ROR2: variants seen among roughly 807,000 people sequenced by gnomAD.
ROR2 encodes the protein tyrosine-protein kinase transmembrane receptor ROR2.
Under a neutral mutation model 74.9 loss-of-function variants are expected in ROR2, and 33 were observed. That is an observed-to-expected ratio of 0.44 (90% confidence interval 0.33 to 0.59). ROR2 has a LOEUF of 0.59. Ranked by LOEUF, ROR2 falls within the 20% of genes least tolerant of loss-of-function variation. The pLI, the probability that ROR2 is intolerant of heterozygous loss-of-function variation, is 0.02. For synonymous variants in ROR2, 586 were observed against 558.7 expected (o/e 1.05, Z -0.69); for missense variants, 1,216 against 1,313.8 (o/e 0.93, Z 1.15).
intron 2 of ROR2, among the ~76,000 whole-genome samples, chr9:91,761,212 T>C (rs1825905187): frequency 6.6e-6 from 1 of 152,212 alleles, no homozygotes; most frequent in Admixed American, 6.5e-5. Flanking sequence ...AACAGTCCCA[T>C]AGACCAGTGG....
At chr9:91,811,501 G>A (rs1199437855) in intron 1 of ROR2, among the ~76,000 whole-genome samples, 2 of 152,220 alleles carry the variant, frequency 1.3e-5, no homozygotes, top group South Asian at 2.1e-4. Flanking sequence ...GCTGATCCTA[G>A]AGATATGGCC....
intron 1 of ROR2, among the ~76,000 whole-genome samples, chr9:91,801,979 C>A (rs1827396029): frequency 6.6e-6 from 1 of 151,532 alleles, no homozygotes; most frequent in African/African-American, 2.4e-5. Flanking sequence ...TGCAGGTTTG[C>A]GTGACTGGGC....
At chr9:91,844,702 T>C (rs113976506) in intron 1 of ROR2, among the ~76,000 whole-genome samples, 98 of 152,278 alleles carry the variant, frequency 6.4e-4, no homozygotes, top group African/African-American at 2.3e-3. Flanking sequence ...ATAGGTGTAA[T>C]AGGTTCGTGG....
chr9:91,909,856 T>TC (rs1192028359), intron 1 of ROR2, among the ~76,000 whole-genome samples: 1 of 125,432 alleles, frequency 8.0e-6, no homozygotes, highest in South Asian at 2.8e-4. Context: ...TGTTTTTTTT[T>TC]TTTTTTTTTT....
At position 91,927,240 on chromosome 9, in the gene ROR2, T is replaced by TC. The variant is rs1564044378; in HGVS notation, c.97+22626dup. ...ACTCTCCAGGTCAGAGACCCACAGC[T>TC]CCCCCAAAAACCAGGATCTTAAGGT... On this transcript the variant is annotated intron_variant, in intron 1 of 8. Coordinates refer to ENST00000375708, the MANE Select transcript of ROR2 (RefSeq NM_004560.4). Among the ~76,000 whole-genome samples, 3 of 152,038 alleles carry TC rather than the reference T, an allele frequency of 2.0e-5. No homozygotes were observed. The South Asian group carries it at 6.2e-4, about 32-fold the overall frequency.
rs532934283 is a variant in ROR2 at position 91,949,089 on chromosome 9, C to A, written c.97+778G>T. Among the ~76,000 whole-genome samples the A allele has an allele frequency of 2.6e-5, 4 of 151,902 alleles. No homozygotes were observed. In the South Asian group the frequency reaches 6.2e-4, roughly 24 times the overall value. On this transcript the variant is annotated intron_variant, in intron 1 of 8. Coordinates refer to ENST00000375708, the MANE Select transcript of ROR2 (RefSeq NM_004560.4). ...ACCTAGGAGCCGGGCCCCGCCCCTC[C>A]CGCCGCCAGCCTCCTACAGGTCCCG...
At chr9:91,949,383 A>G (rs1308062302) in intron 1 of ROR2, among the ~76,000 whole-genome samples, 1 of 151,564 alleles carries the variant, frequency 6.6e-6, no homozygotes, top group Middle Eastern at 3.2e-3. Context: ...CGTCCACCCC[A>G]GGATTCTGCC....
chr9:91,776,532 C>A (rs1321321010), intron 1 of ROR2, among the ~76,000 whole-genome samples: 3 of 152,208 alleles, frequency 2.0e-5, no homozygotes, highest in Non-Finnish European at 4.4e-5. Flanking sequence ...TTAACAGTTG[C>A]ATGCATTTTA....
chr9:91,807,042 G>C (rs535454653), intron 1 of ROR2, among the ~76,000 whole-genome samples: 20 of 152,288 alleles, frequency 1.3e-4, no homozygotes, highest in Middle Eastern at 3.4e-3. Context: ...ATCAGACTTA[G>C]GGTCATAAAA....
At chr9:91,918,691 C>T (rs1205049401) in intron 1 of ROR2, among the ~76,000 whole-genome samples, 4 of 152,114 alleles carry the variant, frequency 2.6e-5, no homozygotes, top group Non-Finnish European at 4.4e-5. Flanking sequence ...GTGAATTGTA[C>T]GCTCCGAAAA....
chr9:91,936,675 A>T (rs1831698772), intron 1 of ROR2, among the ~76,000 whole-genome samples: 1 of 152,138 alleles, frequency 6.6e-6, no homozygotes. Context: ...GGCCATAAAA[A>T]CTTGAAACTC....
intron 1 of ROR2, among the ~76,000 whole-genome samples, chr9:91,850,594 G>T (rs2119252879): frequency 6.6e-6 from 1 of 152,320 alleles, no homozygotes; most frequent in Middle Eastern, 3.4e-3. Context: ...ATGGGAAGAG[G>T]CTGTGGGGCT....
chr9:91,909,838 GTTTGTTTTGTTTTTTTTTTTTT>G (rs1830911980), intron 1 of ROR2, among the ~76,000 whole-genome samples: 1 of 63,198 alleles, frequency 1.6e-5, no homozygotes, highest in Admixed American at 2.2e-4. Flanking sequence ...TTTTTTTTAG[GTTTGTTTTGTTTTTTTTTTTTT>G]TTTTTTTTTT....
At position 91,733,908 on chromosome 9, in the gene ROR2, GTCAGC is replaced by G. The variant is rs771149646; in HGVS notation, c.623-477_623-473del. On this transcript the variant is annotated intron_variant, in intron 5 of 8. Transcript: ENST00000375708. The surrounding 1 kb of genome is among the most constrained non-coding windows in gnomAD (Gnocchi z 5.7). ...GGAGAAGGCTGTCCCGGAAGAGGGA[GTCAGC>G]TCAGCTCTGTGAACTGCAGCTGGAG... Among the ~76,000 whole-genome samples, 5 of 152,336 alleles carry G rather than the reference GTCAGC, an allele frequency of 3.3e-5. No individual in the cohort carries two copies. Among genetic ancestry groups the G allele is most frequent in the East Asian group, 3.9e-4 (2 of 5,174 alleles).
intron 1 of ROR2, among the ~76,000 whole-genome samples, chr9:91,799,202 C>T (rs1414659402): frequency 6.6e-6 from 1 of 152,134 alleles, no homozygotes; most frequent in African/African-American, 2.4e-5. Flanking sequence ...TCCTCTACTC[C>T]AGTGGTTTTC....
intron 1 of ROR2, among the ~76,000 whole-genome samples, chr9:91,922,247 C>CA (rs892660460): frequency 7.7e-4 from 110 of 142,038 alleles, no homozygotes; most frequent in Non-Finnish European, 7.1e-4. Flanking sequence ...GGCAGTTCCC[C>CA]AAAAAAAAAA....
chr9:91,740,724 G>A (rs558711667), intron 4 of ROR2, among the ~76,000 whole-genome samples: 6 of 152,040 alleles, frequency 3.9e-5, no homozygotes, highest in African/African-American at 1.4e-4. Context: ...TGGCACATTT[G>A]GGGCCTTGGA....
chr9:91,735,271 C>T (rs548481197), intron 5 of ROR2, among the ~76,000 whole-genome samples: 51 of 152,378 alleles, frequency 3.3e-4, no homozygotes, highest in African/African-American at 1.1e-3. Flanking sequence ...CAACACAACA[C>T]TGCACACAAC....
intron 1 of ROR2, among the ~76,000 whole-genome samples, chr9:91,871,841 C>A (rs569909653): frequency 1.3e-5 from 2 of 152,024 alleles, no homozygotes; most frequent in African/African-American, 4.8e-5. Flanking sequence ...GTCGAGAGAC[C>A]CCCCCAGCAC....
Sources: gnomAD v4.1 joint callset for allele counts (sites outside exome capture counted in the v4.1 genomes callset) on GRCh38, gnomAD v4.1.1 for gene constraint, Gnocchi (gnomAD v3.1) non-coding constraint, MANE v1.5 for transcripts, NCBI Gene and HGNC (gene_info 2026-07-23, HGNC 2026-07-21) for gene names.